The following KAT8 variants were observed in gnomAD, a reference collection of about 807,000 sequenced individuals.
The protein encoded by KAT8 is histone acetyltransferase KAT8.
In KAT8, 40 loss-of-function variants were observed where a neutral mutation model predicts 62.9. The observed-to-expected ratio is 0.64, with a 90% CI of 0.49 to 0.83. KAT8 has a LOEUF of 0.83. KAT8 is among the 40% of genes least tolerant of loss of function. The pLI, the probability that KAT8 is intolerant of heterozygous loss-of-function variation, is 0.00. For synonymous variants in KAT8, 278 were observed against 254.5 expected, an observed-to-expected ratio of 1.09 and a Z score of -0.88; for missense variants, 387 against 614.8, an observed-to-expected ratio of 0.63 and a Z score of 3.92.
In KAT8 at chr16:31,130,340, G is replaced by A. The variant is rs1334295384; in HGVS notation, c.986G>A (p.Gly329Glu). Residue 329 changes from glycine to glutamate, a missense_variant, in exon 8 of 11, where the codon GGG becomes GAG. Around this residue, in one of 6 missense-constraint regions of KAT8, gnomAD observed 141 missense variants for 222.5 expected, o/e 0.63. Coordinates refer to ENST00000219797, the MANE Select transcript of KAT8 (RefSeq NM_032188.3). ...TLPPYQRRGY[G>E]KFLIAFSYEL... ...CCCCCCTACCAACGCCGCGGCTACG[G>A]GAAGTTCCTCATCGCTTTCAGTGAG... is the stretch of plus-strand genomic sequence containing the variant. 1 of 1,614,088 alleles carries A rather than the reference G, an allele frequency of 6.2e-7. No individual in the cohort carries two copies. The highest frequency in any genetic ancestry group is 8.5e-7 in the Non-Finnish European group (1 of 1,180,026).
At chr16:31,118,013 G>C in intron 1 of KAT8, 121 bp downstream of exon 1, 1 of 761,510 alleles carries the variant, frequency 1.3e-6, no homozygotes, top group South Asian at 4.4e-5. Context: ...GAGGAGGAGG[G>C]GCGGGGCTTG....
At chr16:31,124,745 A>AAAAAAG (rs2057521555) in intron 3 of KAT8, among the ~76,000 whole-genome samples, 5 of 141,758 alleles carry the variant, frequency 3.5e-5, no homozygotes, top group Non-Finnish European at 3.0e-5. Context: ...AAAAAAAAAA[A>AAAAAAG]AAAAAAGGCT....
intron 1 of KAT8, 81 bp downstream of exon 1, chr16:31,117,973 T>C: frequency 9.4e-7 from 1 of 1,062,204 alleles, no homozygotes; most frequent in Non-Finnish European, 1.2e-6. Flanking sequence ...AGGCTGTCAG[T>C]GAGGCCAAGA....
At chr16:31,130,194 G>A in intron 7 of KAT8, 37 bp downstream of exon 7, 7 of 532,776 alleles carry the variant, frequency 1.3e-5, no homozygotes, top group Non-Finnish European at 2.7e-5. Flanking sequence ...GGAGGGTGGG[G>A]AGGGCGAAGG....
At chr16:31,129,952 C>G in intron 6 of KAT8, 65 bp from the exon 7 acceptor site, 1 of 1,582,790 alleles carries the variant, frequency 6.3e-7, no homozygotes, top group Non-Finnish European at 8.6e-7. Context: ...GTGCCGGCCG[C>G]TGGAACCAGC....
chr16:31,126,861 T>A (rs1042094786), intron 3 of KAT8, 174 bp from the exon 4 acceptor site: 1 of 657,118 alleles, frequency 1.5e-6, no homozygotes, highest in Non-Finnish European at 2.6e-6. Flanking sequence ...GTGAGAGGAG[T>A]CTGGACCAGC....
chr16:31,129,651 G>A (rs956012499), intron 6 of KAT8, among the ~76,000 whole-genome samples: 4 of 152,180 alleles, frequency 2.6e-5, no homozygotes, highest in Admixed American at 1.3e-4. Context: ...CGTGCTAGGC[G>A]CTGGGGACAC....
chr16:31,121,401 G>C (rs971002591), intron 3 of KAT8, among the ~76,000 whole-genome samples: 1 of 152,042 alleles, frequency 6.6e-6, no homozygotes, highest in Non-Finnish European at 1.5e-5. Flanking sequence ...GATTACAGGC[G>C]TGAGCTACTG....
Position 31,127,009 on chromosome 16 carries a change from C to T in KAT8, c.463-26C>T, listed in dbSNP as rs2057536346. Reference sequence around the variant, plus strand: ...GCCTGGTCACCACTTCTGTTCACCTCTGCCCACTTTTCTTTCCTGGCCCAG... The same window carrying T: ...GCCTGGTCACCACTTCTGTTCACCTTTGCCCACTTTTCTTTCCTGGCCCAG... On this transcript the variant is annotated intron_variant, in intron 3 of 10. Coordinates refer to ENST00000219797, the MANE Select transcript of KAT8 (RefSeq NM_032188.3). The T allele has an allele frequency of 3.1e-6, 5 of 1,613,940 alleles. No individual in the cohort carries two copies. In the Admixed American group the frequency reaches 8.3e-5, roughly 27 times the overall value.
intron 3 of KAT8, chr16:31,125,627 AAAT>A: frequency 1.4e-5 from 2 of 146,458 alleles, no homozygotes; most frequent in African/African-American, 2.6e-5. Context: ...AAAAAAAAAG[AAAT>A]AACACTCTAT....
At chr16:31,129,892 C>T in intron 6 of KAT8, 125 bp from the exon 7 acceptor site, 1 of 1,037,264 alleles carries the variant, frequency 9.6e-7, no homozygotes, top group Non-Finnish European at 1.5e-6. Flanking sequence ...AAGACTCCTT[C>T]CAGTGTGAAA....
intron 3 of KAT8, chr16:31,126,822 CTG>C: frequency 1.9e-6 from 1 of 517,800 alleles, no homozygotes. Flanking sequence ...TCAGGGATGT[CTG>C]GGATATCGGG....
At chr16:31,130,402 G>A in intron 8 of KAT8, 42 bp downstream of exon 8, 1 of 1,614,070 alleles carries the variant, frequency 6.2e-7, no homozygotes, top group South Asian at 1.1e-5. Context: ...AGACCTGTGG[G>A]GCAGGGGTGC....
intron 3 of KAT8, 32 bp downstream of exon 3, chr16:31,120,546 A>G: frequency 6.3e-7 from 1 of 1,582,380 alleles, no homozygotes; most frequent in East Asian, 2.3e-5. Context: ...CGGGCCCAGG[A>G]GGCCCAGCTT....
intron 3 of KAT8, among the ~76,000 whole-genome samples, chr16:31,123,221 A>T (rs976268650): frequency 1.6e-4 from 25 of 152,160 alleles, no homozygotes; most frequent in Middle Eastern, 3.4e-3. Context: ...AAAAAATTTT[A>T]TTTTTATTTT....
At chr16:31,122,194 A>G (rs2057499886) in intron 3 of KAT8, 1 of 152,254 alleles carries the variant, frequency 6.6e-6, no homozygotes, top group South Asian at 2.1e-4. Context: ...CAAGCCCAAC[A>G]TTTAAATTTC....
In KAT8 at chr16:31,131,224, C is replaced by A. The variant is rs370110915; in HGVS notation, c.1342C>A (p.Pro448Thr). The A allele has an allele frequency of 1.9e-6, 3 of 1,614,144 alleles. No individual in the cohort carries two copies. The South Asian group carries it at 3.3e-5, about 18-fold the overall frequency. Residue 448 changes from proline (P) to threonine (T), a missense_variant, in exon 11 of 11, where the codon CCC becomes ACC. Coordinates refer to ENST00000219797, the MANE Select transcript of KAT8 (RefSeq NM_032188.3). ...CTCCGTCTGCCTCAAGTGGGCACCC[C>A]CCAAGCACAAGCAAGTCAAGCTCTC... ...VDSVCLKWAP[P>T]KHKQVKLSKK
At chr16:31,130,223 G>T in intron 7 of KAT8, 44 bp from the exon 8 acceptor site, 1 of 1,613,048 alleles carries the variant, frequency 6.2e-7, no homozygotes, top group African/African-American at 1.3e-5. Flanking sequence ...AACAGAGAGT[G>T]GGGCAGAGCC....
intron 3 of KAT8, 165 bp from the exon 4 acceptor site, chr16:31,126,870 G>C: frequency 1.4e-6 from 1 of 698,230 alleles, no homozygotes; most frequent in Non-Finnish European, 2.4e-6. Context: ...GTCTGGACCA[G>C]CCAGCTTCAG....
Sources: gnomAD v4.1 joint callset for allele counts (sites outside exome capture counted in the v4.1 genomes callset) on GRCh38, gnomAD v4.1.1 for gene constraint, gnomAD v4.1.1 regional missense constraint, MANE v1.5 for transcripts, NCBI Gene and HGNC (gene_info 2026-07-23, HGNC 2026-07-21) for gene names.